STAG1: variants seen among roughly 807,000 people sequenced by gnomAD.
STAG1 encodes STAG1 cohesin complex component, also known as cohesin subunit SA-1.
STAG1 carries 26 observed loss-of-function variants against 170.9 expected under a neutral mutation model. That is an observed-to-expected ratio of 0.15 (90% CI 0.11 to 0.21). The LOEUF (loss-of-function observed/expected upper bound fraction) is 0.21. Ranked by LOEUF, STAG1 falls within the 10% of genes least tolerant of loss-of-function variation. STAG1 has a pLI of 1.00. For synonymous variants in STAG1, 514 were observed against 497.7 expected (o/e 1.03, Z -0.44); for missense variants, 964 against 1,509.5 (o/e 0.64, Z 5.99).
intron 9 of STAG1, among the ~76,000 whole-genome samples, chr3:136,484,799 G>T (rs1410496968): frequency 2.1e-5 from 3 of 143,532 alleles, no homozygotes; most frequent in African/African-American, 5.0e-5. Context: ...TTTTTAAGCC[G>T]GTCTGAAAAG....
chr3:136,529,289 TAG>T (rs1411419338), intron 6 of STAG1, among the ~76,000 whole-genome samples: 8 of 152,188 alleles, frequency 5.3e-5, no homozygotes, highest in Admixed American at 2.6e-4. Flanking sequence ...TACAGACATT[TAG>T]ATACAAGAGG....
At chr3:136,476,872 A>G (rs1436974831) in intron 10 of STAG1, among the ~76,000 whole-genome samples, 2 of 152,146 alleles carry the variant, frequency 1.3e-5, no homozygotes, top group Non-Finnish European at 2.9e-5. Flanking sequence ...TAGATCAAAT[A>G]TTCTAAAATC....
chr3:136,749,351 GC>G (rs1265214739), intron 1 of STAG1, among the ~76,000 whole-genome samples: 3 of 152,176 alleles, frequency 2.0e-5, no homozygotes, highest in Non-Finnish European at 4.4e-5. Flanking sequence ...TGGCCACACG[GC>G]AAGGATCTGA....
intron 1 of STAG1, among the ~76,000 whole-genome samples, chr3:136,672,136 C>G (rs1941997235): frequency 6.6e-6 from 1 of 152,194 alleles, no homozygotes; most frequent in Admixed American, 6.5e-5. Context: ...TTCCCTTAAC[C>G]TGTAGCTGGC....
At chr3:136,557,441 T>A (rs1298200753) in intron 5 of STAG1, among the ~76,000 whole-genome samples, 1 of 152,206 alleles carries the variant, frequency 6.6e-6, no homozygotes, top group Non-Finnish European at 1.5e-5. Context: ...AGGACTAACC[T>A]ATACATAACT....
chr3:136,620,397 A>T (rs1939790787), intron 3 of STAG1, among the ~76,000 whole-genome samples: 1 of 152,160 alleles, frequency 6.6e-6, no homozygotes, highest in Non-Finnish European at 1.5e-5. Flanking sequence ...GACAATTATA[A>T]CTCTCAAGAT....
chr3:136,439,953 A>T (rs2088582530), intron 15 of STAG1, among the ~76,000 whole-genome samples: 1 of 152,200 alleles, frequency 6.6e-6, no homozygotes, highest in Non-Finnish European at 1.5e-5. Flanking sequence ...AATCCAATGT[A>T]AACAGAATTT....
At chr3:136,702,073 GAA>G (rs1491515510) in intron 1 of STAG1, among the ~76,000 whole-genome samples, 5 of 75,776 alleles carry the variant, frequency 6.6e-5, no homozygotes, top group Admixed American at 3.1e-4. Flanking sequence ...CCACCATGCC[GAA>G]AGAGAGAGAG....
At chr3:136,532,715 C>G (rs1038895815) in intron 6 of STAG1, among the ~76,000 whole-genome samples, 1 of 152,120 alleles carries the variant, frequency 6.6e-6, no homozygotes, top group African/African-American at 2.4e-5. Context: ...TAAAATCCAA[C>G]AACGCTTCAT....
At chr3:136,468,178 G>A (rs1307058009) in intron 12 of STAG1, among the ~76,000 whole-genome samples, 1 of 152,092 alleles carries the variant, frequency 6.6e-6, no homozygotes, top group African/African-American at 2.4e-5. Context: ...GAAGGAGATA[G>A]AGACACAAAA....
intron 3 of STAG1, among the ~76,000 whole-genome samples, chr3:136,608,669 T>C (rs1247336646): frequency 6.7e-6 from 1 of 149,956 alleles, no homozygotes; most frequent in Admixed American, 6.7e-5. Flanking sequence ...GCTAGGGTAG[T>C]AGTGTGTGCC....
At chr3:136,474,181 A>G (rs1010563717) in intron 10 of STAG1, among the ~76,000 whole-genome samples, 1 of 152,180 alleles carries the variant, frequency 6.6e-6, no homozygotes, top group South Asian at 2.1e-4. Flanking sequence ...GTCTTTAATA[A>G]AGTCATCAAC....
intron 1 of STAG1, among the ~76,000 whole-genome samples, chr3:136,663,206 G>A (rs1350541452): frequency 1.3e-5 from 2 of 152,136 alleles, no homozygotes; most frequent in Non-Finnish European, 1.5e-5. Flanking sequence ...ATGTATGGAT[G>A]AGTATAGTTA....
intron 1 of STAG1, among the ~76,000 whole-genome samples, chr3:136,732,237 T>TTA (rs1170597582): frequency 5.8e-5 from 5 of 85,758 alleles, no homozygotes; most frequent in Non-Finnish European, 9.5e-5. Flanking sequence ...TATCCACAAC[T>TTA]AAAAAAAAAA....
chr3:136,495,270 C>A (rs1317800300), intron 9 of STAG1, among the ~76,000 whole-genome samples: 1 of 152,068 alleles, frequency 6.6e-6, no homozygotes, highest in Non-Finnish European at 1.5e-5. Context: ...CCTTATATCA[C>A]GTCATCTACA....
intron 1 of STAG1, among the ~76,000 whole-genome samples, chr3:136,638,253 C>A (rs1285648469): frequency 1.3e-5 from 2 of 152,006 alleles, no homozygotes; most frequent in African/African-American, 4.8e-5. Flanking sequence ...CCTGCCTCAG[C>A]CTCCCAAGTA....
Position 136,748,580 on chromosome 3 carries a change from T to C in STAG1, c.-84+3615A>G, listed in dbSNP as rs180815919. Among the ~76,000 whole-genome samples, 409 of 109,640 alleles carry C rather than the reference T, an allele frequency of 3.7e-3. 3 individuals are homozygous for C. The highest frequency in any genetic ancestry group is 0.021 in the African/African-American group (393 of 18,940). 71.9% of individuals were successfully genotyped at this position (109,640 alleles called of 152,430 possible). On this transcript the variant is annotated intron_variant, in intron 1 of 33. Transcript: ENST00000383202. Reference sequence around the variant, plus strand: ...CTGGCTAATTTTTGTATTTTTAGTATAGACAGGGTTTCACCATGTCGGCCA... The same window carrying C: ...CTGGCTAATTTTTGTATTTTTAGTACAGACAGGGTTTCACCATGTCGGCCA...
chr3:136,672,941 TGAA>T (rs1383849384), intron 1 of STAG1, among the ~76,000 whole-genome samples: 1 of 151,970 alleles, frequency 6.6e-6, no homozygotes, highest in Non-Finnish European at 1.5e-5. Context: ...AGAAAGAAAA[TGAA>T]GAACAGGTGA....
At chr3:136,369,026 A>C in intron 24 of STAG1, 82 bp downstream of exon 24, 1 of 1,268,390 alleles carries the variant, frequency 7.9e-7, no homozygotes, top group East Asian at 2.8e-5. Flanking sequence ...GATAATTTTT[A>C]GAACTGAATT....
Sources: gnomAD v4.1 joint callset for allele counts (sites outside exome capture counted in the v4.1 genomes callset) on GRCh38, gnomAD v4.1.1 for gene constraint, MANE v1.5 for transcripts, NCBI Gene and HGNC (gene_info 2026-07-23, HGNC 2026-07-21) for gene names.